The following PALLD variants were observed in gnomAD, a reference collection of about 807,000 sequenced individuals.
PALLD encodes palladin.
PALLD carries 61 observed loss-of-function variants against 123.5 expected under a neutral mutation model. The ratio of observed to expected loss-of-function variants is 0.49; its 90% confidence interval spans 0.40 to 0.61. The LOEUF (loss-of-function observed/expected upper bound fraction) is 0.61. PALLD is among the 20% of genes least tolerant of loss of function. The probability of loss-of-function intolerance (pLI) is 0.00; values close to 1 mark genes in which losing one functional copy is unlikely to be tolerated. For missense variants in PALLD, 1,273 were observed against 1,377.0 expected, an observed-to-expected ratio of 0.92 and a Z score of 1.20; for synonymous variants, 465 against 496.4, an observed-to-expected ratio of 0.94 and a Z score of 0.84.
At chr4:168,517,957 T>C (rs11735275) in intron 2 of PALLD, among the ~76,000 whole-genome samples, 14,615 of 152,242 alleles carry the variant, frequency 0.096, 823 homozygotes, top group South Asian at 0.25. Flanking sequence ...TAAGCCTTTA[T>C]AGATACACAA....
rs1750003414 is a variant in PALLD, at chr4:168,864,651, A to AT, written c.1965-26270dup. On this transcript the variant is annotated intron_variant, in intron 10 of 21. Transcript: ENST00000505667. ...CCCTAAATGAAGGGCCATCTACTAT[A>AT]TAAGTCTTACAGTATAATCATGAAA... 3 of 152,352 alleles carry AT rather than the reference A, an allele frequency of 2.0e-5. No individual in the cohort carries two copies. In the South Asian group the frequency reaches 6.2e-4, roughly 32 times the overall value. The allele number at this position is 152,352 out of a possible 1,614,324, so 9.4% of individuals were successfully genotyped here.
intron 2 of PALLD, among the ~76,000 whole-genome samples, chr4:168,635,203 G>GT (rs1187685631): frequency 6.6e-6 from 1 of 152,188 alleles, no homozygotes; most frequent in African/African-American, 2.4e-5. Flanking sequence ...GGGAGAGATG[G>GT]TTTTGCTCAA....
chr4:168,648,793 A>C (rs888950809), intron 2 of PALLD: 1 of 152,234 alleles, frequency 6.6e-6, no homozygotes, highest in African/African-American at 2.4e-5. Flanking sequence ...TTTTCTTCAT[A>C]ACATTTCCCT....
chr4:168,658,482 T>C (rs115990675), intron 2 of PALLD, among the ~76,000 whole-genome samples: 2,317 of 152,196 alleles, frequency 0.015, 61 homozygotes, highest in African/African-American at 0.053. Flanking sequence ...AGACAGGGTC[T>C]TGTCATCTTG....
chr4:168,586,460 T>C (rs1052160016), intron 2 of PALLD, among the ~76,000 whole-genome samples: 1 of 152,222 alleles, frequency 6.6e-6, no homozygotes, highest in South Asian at 2.1e-4. Flanking sequence ...TTCGTTTTGC[T>C]GTCGTTGATC....
At chr4:168,712,318 T>C in intron 10 of PALLD, 1 of 288,746 alleles carries the variant, frequency 3.5e-6, no homozygotes, top group South Asian at 4.9e-5. Flanking sequence ...ATATTAAGTA[T>C]CAGTAAGAAG....
chr4:168,520,145 A>T (rs6825244), intron 2 of PALLD, among the ~76,000 whole-genome samples: 112,292 of 151,686 alleles, frequency 0.74, 41,786 homozygotes, highest in East Asian at 0.86. Flanking sequence ...ACTAACTTGG[A>T]GAAACCCAGT....
At chr4:168,558,754 A>G (rs796953705) in intron 2 of PALLD, among the ~76,000 whole-genome samples, 2 of 152,348 alleles carry the variant, frequency 1.3e-5, no homozygotes, top group African/African-American at 4.8e-5. Context: ...ATCCTGTTAC[A>G]TAAGTGAAAA....
At chr4:168,803,269 A>G (rs556518054) in intron 10 of PALLD, among the ~76,000 whole-genome samples, 1 of 152,220 alleles carries the variant, frequency 6.6e-6, no homozygotes, top group East Asian at 1.9e-4. Flanking sequence ...ACATCTTACC[A>G]TGGTGGAGTT....
At chr4:168,842,757 C>T (rs904780397) in intron 10 of PALLD, among the ~76,000 whole-genome samples, 7 of 152,180 alleles carry the variant, frequency 4.6e-5, no homozygotes, top group African/African-American at 1.2e-4. Context: ...CTATCTGCTC[C>T]GTCTTCTCTC....
chr4:168,882,306 A>G (rs1038698288), intron 10 of PALLD, among the ~76,000 whole-genome samples: 20 of 152,338 alleles, frequency 1.3e-4, no homozygotes, highest in Admixed American at 9.1e-4. Context: ...TCTGGAAGAA[A>G]TGCCTGAGCA....
chr4:168,501,687 C>T (rs758256612), intron 1 of PALLD, among the ~76,000 whole-genome samples: 83 of 152,182 alleles, frequency 5.5e-4, no homozygotes, highest in Non-Finnish European at 2.6e-4. Flanking sequence ...CCCTTCAGAG[C>T]GCCATGAGGT....
chr4:168,512,609 CCCTCTGTGCTA>C, intron 2 of PALLD, among the ~76,000 whole-genome samples, 197 bp downstream of exon 2: 1 of 152,056 alleles, frequency 6.6e-6, no homozygotes, highest in Non-Finnish European at 1.5e-5. Context: ...TGGTCATGCA[CCCTCTGTGCTA>C]AGGAAGGAAG....
chr4:168,703,780 T>C lies in PALLD; in HGVS notation c.1502-5248T>C, dbSNP rs547027707. Among the ~76,000 whole-genome samples, 521 of 144,798 alleles carry C rather than the reference T, an allele frequency of 3.6e-3. 21 individuals are homozygous for C. The highest frequency in any genetic ancestry group is 6.9e-3 in the Middle Eastern group (2 of 288). 95.0% of individuals were successfully genotyped at this position (144,798 alleles called of 152,430 possible). On this transcript the variant is annotated intron_variant, in intron 8 of 21. Coordinates refer to ENST00000505667, the MANE Select transcript of PALLD (RefSeq NM_001166108.2). ...TGTTTGTTTTTTTCTTGTAAATTTGTTTGAGTTCATTGTAGATTCTGGATA... is the reference window on the plus strand; with the variant it reads ...TGTTTGTTTTTTTCTTGTAAATTTGCTTGAGTTCATTGTAGATTCTGGATA...
At chr4:168,526,265 T>C (rs1322897575) in intron 2 of PALLD, among the ~76,000 whole-genome samples, 1 of 152,230 alleles carries the variant, frequency 6.6e-6, no homozygotes, top group Non-Finnish European at 1.5e-5. Flanking sequence ...TTCTGTATTG[T>C]TGCATATGTG....
At chr4:168,924,448 C>T in intron 19 of PALLD, 28 bp downstream of exon 19, 2 of 1,589,514 alleles carry the variant, frequency 1.3e-6, no homozygotes, top group African/African-American at 2.7e-5. Flanking sequence ...GAACCTGATC[C>T]TTAACTGTTC....
Position 168,925,222 on chromosome 4 carries a change from T to C in PALLD, c.3359-11T>C, listed in dbSNP as rs1289559303. On this transcript the variant is annotated splice_polypyrimidine_tract_variant and intron_variant, in intron 20 of 21. Coordinates refer to ENST00000505667, the MANE Select transcript of PALLD (RefSeq NM_001166108.2). ...AAATTCATATTGCTCTCTCTCTCTTTCTATTTGTAGTTTCTCGACATTAAT... is the reference window on the plus strand; with the variant it reads ...AAATTCATATTGCTCTCTCTCTCTTCCTATTTGTAGTTTCTCGACATTAAT... 1.2e-6 allele frequency: 2 copies of C among 1,603,634 alleles called. No individual in the cohort carries two copies. The highest frequency in any genetic ancestry group is 3.3e-5 in the Admixed American group (2 of 60,012).
At chr4:168,876,530 A>T (rs1324447596) in intron 10 of PALLD, among the ~76,000 whole-genome samples, 1 of 152,214 alleles carries the variant, frequency 6.6e-6, no homozygotes, top group Non-Finnish European at 1.5e-5. Flanking sequence ...CTTCTCATGG[A>T]CTTAAGTGTA....
At chr4:168,795,091 A>C (rs914103243) in intron 10 of PALLD, among the ~76,000 whole-genome samples, 1 of 152,132 alleles carries the variant, frequency 6.6e-6, no homozygotes, top group South Asian at 2.1e-4. Flanking sequence ...CTCATCCATG[A>C]GAGTTCCACC....
Sources: allele counts gnomAD v4.1 joint callset (sites outside exome capture counted in the v4.1 genomes callset), GRCh38; gene constraint gnomAD v4.1.1; transcripts MANE v1.5; gene names NCBI Gene and HGNC (gene_info 2026-07-23, HGNC 2026-07-21).